HERC2: variants seen among roughly 807,000 people sequenced by gnomAD.
HERC2 encodes E3 ubiquitin-protein ligase HERC2.
HERC2 carries 102 observed loss-of-function variants against 537.7 expected under a neutral mutation model. The ratio of observed to expected loss-of-function variants is 0.19; its 90% CI spans 0.16 to 0.22. The LOEUF (loss-of-function observed/expected upper bound fraction) is 0.22. Ranked by LOEUF, HERC2 falls within the 10% of genes least tolerant of loss-of-function variation. The probability of loss-of-function intolerance (pLI) is 1.00; values close to 1 mark genes in which losing one functional copy is unlikely to be tolerated. For missense variants in HERC2, 4,236 were observed against 6,198.2 expected (o/e 0.68, Z 10.63); for synonymous variants, 2,224 against 2,466.2 (o/e 0.90, Z 2.91).
chr15:28,251,634 CTACAAAAA>C (rs764386657), intron 20 of HERC2, among the ~76,000 whole-genome samples: 74 of 152,046 alleles, frequency 4.9e-4, no homozygotes, highest in Non-Finnish European at 8.5e-4. Flanking sequence ...AACCCTGTCT[CTACAAAAA>C]TACAAAAATC....
chr15:28,120,067 G>A (rs1026442320), intron 86 of HERC2, among the ~76,000 whole-genome samples: 1 of 152,206 alleles, frequency 6.6e-6, no homozygotes, highest in Non-Finnish European at 1.5e-5. Flanking sequence ...GTTAGACAAC[G>A]CAGAAGCCAT....
intron 35 of HERC2, among the ~76,000 whole-genome samples, chr15:28,222,812 A>C (rs1478926150): frequency 3.9e-5 from 6 of 152,232 alleles, no homozygotes; most frequent in South Asian, 2.1e-4. Context: ...ATGCGCCAGG[A>C]AGGGGGTGCC....
intron 44 of HERC2, among the ~76,000 whole-genome samples, chr15:28,208,940 C>T (rs1898795439): frequency 6.6e-6 from 1 of 152,144 alleles, no homozygotes. Flanking sequence ...AAGGACTTTC[C>T]CCGAAAAGAC....
chr15:28,211,837 C>G (rs972903227), intron 43 of HERC2, among the ~76,000 whole-genome samples: 1 of 152,094 alleles, frequency 6.6e-6, no homozygotes, highest in African/African-American at 2.4e-5. Context: ...TCTGTGGGAG[C>G]AAGAGGGGAG....
At chr15:28,302,638 G>C (rs1378610788) in intron 2 of HERC2, among the ~76,000 whole-genome samples, 5 of 117,186 alleles carry the variant, frequency 4.3e-5, no homozygotes, top group African/African-American at 1.6e-4. Flanking sequence ...CAGTGCACAA[G>C]GGTTCCCTTT....
chr15:28,115,617 C>A, intron 88 of HERC2, 76 bp from the exon 89 acceptor site: 1 of 966,086 alleles, frequency 1.0e-6, no homozygotes, highest in Non-Finnish European at 1.6e-6. Context: ...ACACACGCCA[C>A]TGACAGCAGC....
chr15:28,132,134 C>T lies in HERC2; in HGVS notation c.12536G>A (p.Arg4179Gln), dbSNP rs767443136. The T allele has an allele frequency of 3.7e-6, 6 of 1,612,448 alleles. No individual in the cohort carries two copies. Among genetic ancestry groups the T allele is most frequent in the Non-Finnish European group, 5.1e-6 (6 of 1,178,934 alleles). The change falls in exon 81 of 93, where the codon CGG becomes CAG. Residue 4179 changes from arginine (R) to glutamine (Q), a missense_variant. By Grantham distance (43) the Arg-to-Gln change is conservative. This residue lies in a region of HERC2 where 7 missense variants were observed against 26.9 expected (regional missense o/e 0.26). Transcript: ENST00000261609. ...WGDGDYGKLGRGGSDGCKVPM... is the reference protein window; with the variant it reads ...WGDGDYGKLGQGGSDGCKVPM... The stretch of plus-strand genomic sequence containing the variant: ...CACTTTACAGCCATCGCTGCCTCCC[C>T]GGCCGAGCTTGCCGTAGTCCCCGTC...
At chr15:28,153,256 G>A (rs1222854830) in intron 69 of HERC2, among the ~76,000 whole-genome samples, 2 of 152,188 alleles carry the variant, frequency 1.3e-5, no homozygotes, top group Non-Finnish European at 2.9e-5. Flanking sequence ...AGGAGGCTGA[G>A]GCAGGAGAAT....
At chr15:28,188,605 T>C (rs1395029100) in intron 55 of HERC2, among the ~76,000 whole-genome samples, 1 of 151,832 alleles carries the variant, frequency 6.6e-6, no homozygotes, top group East Asian at 1.9e-4. Flanking sequence ...TATATTTTGT[T>C]AAGCCCTGTC....
chr15:28,228,192 A>C (rs1346360377), intron 35 of HERC2, 26 bp downstream of exon 35: 1 of 1,600,800 alleles, frequency 6.2e-7, no homozygotes, highest in Non-Finnish European at 8.5e-7. Flanking sequence ...ATTTTCCCAA[A>C]GGCGCTCAAG....
At chr15:28,204,752 T>C (rs1363603907) in intron 45 of HERC2, among the ~76,000 whole-genome samples, 8 of 151,892 alleles carry the variant, frequency 5.3e-5, no homozygotes, top group Non-Finnish European at 1.0e-4. Flanking sequence ...TGGATGGATA[T>C]AACAACAGAT....
intron 75 of HERC2, 130 bp downstream of exon 75, chr15:28,142,697 A>G: frequency 1.1e-6 from 1 of 901,070 alleles, no homozygotes; most frequent in South Asian, 1.8e-5. Flanking sequence ...AGATTTTTTC[A>G]TATTTGACTT....
At chr15:28,182,769 C>T (rs1320592454) in intron 56 of HERC2, among the ~76,000 whole-genome samples, 4 of 152,030 alleles carry the variant, frequency 2.6e-5, no homozygotes, top group African/African-American at 7.2e-5. Flanking sequence ...TGGTGGAAAA[C>T]GATGATACAC....
intron 2 of HERC2, among the ~76,000 whole-genome samples, chr15:28,310,189 G>A (rs1416546924): frequency 6.6e-6 from 1 of 152,204 alleles, no homozygotes; most frequent in Non-Finnish European, 1.5e-5. Flanking sequence ...GCTCACACCT[G>A]TAATCCCAGC....
chr15:28,143,982 T>A lies in HERC2; in HGVS notation c.11309A>T (p.His3770Leu). The A allele has an allele frequency of 6.2e-7, 1 of 1,614,138 alleles. No homozygotes were observed. Among genetic ancestry groups the A allele is most frequent in the Non-Finnish European group, 8.5e-7 (1 of 1,180,032 alleles). The change falls in exon 74 of 93, where the codon CAC becomes CTC. Residue 3770 changes from histidine (H) to leucine (L), a missense_variant. By Grantham distance (99) the His-to-Leu change is moderately conservative. Transcript: ENST00000261609. ...CAGTCTCTGAAGGGCCCACATTCTG[T>A]GACTGGCAGCTGAAATGAGCAGAGA... Reference protein sequence around the residue: ...CAQLSALAASHRMWALQRLRK... With the variant: ...CAQLSALAASLRMWALQRLRK...
rs537230064 is a variant in HERC2 at position 28,170,043 on chromosome 15, T to A, written c.10058-388A>T. Reference sequence around the variant, plus strand: ...AAAGATGTTCACCAATAAAGTCTCATCAGGCTCACTTCGTTGTGAACTCCC... The same window carrying A: ...AAAGATGTTCACCAATAAAGTCTCAACAGGCTCACTTCGTTGTGAACTCCC... On this transcript the variant is annotated intron_variant, in intron 65 of 92. Coordinates refer to ENST00000261609, the MANE Select transcript of HERC2 (RefSeq NM_004667.6). 2.0e-5 allele frequency among the ~76,000 whole-genome samples: 3 copies of A among 152,324 alleles called. No individual in the cohort carries two copies. In the South Asian group the frequency reaches 6.2e-4, roughly 32 times the overall value.
Position 28,248,690 on chromosome 15 carries a change from G to A in HERC2, c.3097C>T (p.Arg1033Trp), listed in dbSNP as rs762223384. The A allele has an allele frequency of 2.2e-5, 36 of 1,614,074 alleles. No individual in the cohort carries two copies. Among genetic ancestry groups the A allele is most frequent in the South Asian group, 4.4e-5 (4 of 91,088 alleles). ...TVARLKDVARRISSCLDFEQH... is the reference protein window; with the variant it reads ...TVARLKDVARWISSCLDFEQH... ...TCAAAGTCCAGACATGATGAAATCC[G>A]ACGGGCAACATCTTTCAATCTGGCT... Residue 1033 changes from arginine to tryptophan, a missense_variant, in exon 21 of 93, where the codon CGG (arginine) becomes TGG (tryptophan). Arg to Trp is a moderately radical substitution (Grantham distance 101). Coordinates refer to ENST00000261609, the MANE Select transcript of HERC2 (RefSeq NM_004667.6).
intron 55 of HERC2, chr15:28,190,752 A>G (rs1212147488): frequency 8.6e-6 from 5 of 581,620 alleles, no homozygotes; most frequent in African/African-American, 1.9e-5. Flanking sequence ...AGAGAGTGAG[A>G]ATGAAATTTG....
At position 28,121,328 on chromosome 15, in the gene HERC2, G is replaced by T; in HGVS notation, c.13272+18C>A. Reference sequence around the variant, plus strand: ...CTTCTAAGGCTGTCAGACTTGGAGAGTAATCTCCATGTGCTACCTGGATGC... The same window carrying T: ...CTTCTAAGGCTGTCAGACTTGGAGATTAATCTCCATGTGCTACCTGGATGC... On this transcript the variant is annotated intron_variant, in intron 86 of 92. Transcript: ENST00000261609. 6.2e-6 allele frequency: 10 copies of T among 1,601,404 alleles called. No individual in the cohort carries two copies. Among genetic ancestry groups the T allele is most frequent in the Non-Finnish European group, 8.6e-6 (10 of 1,168,354 alleles).
Sources: allele counts gnomAD v4.1 joint callset (sites outside exome capture counted in the v4.1 genomes callset), GRCh38; gene constraint gnomAD v4.1.1; regional missense constraint gnomAD v4.1.1; transcripts MANE v1.5; gene names NCBI Gene and HGNC (gene_info 2026-07-23, HGNC 2026-07-21).